Variants in GALNTL6 observed in about 807,000 individuals in gnomAD.
GALNTL6 encodes polypeptide N-acetylgalactosaminyltransferase like 6, also known as polypeptide N-acetylgalactosaminyltransferase-like 6.
A neutral mutation model predicts 73.7 loss-of-function variants in GALNTL6; 46 were observed. The ratio of observed to expected loss-of-function variants is 0.62; its 90% CI spans 0.49 to 0.80. The LOEUF (loss-of-function observed/expected upper bound fraction) is 0.80, where lower values mean the gene tolerates loss of function less well. Ranked by LOEUF, GALNTL6 falls within the 30% of genes least tolerant of loss-of-function variation. The probability of loss-of-function intolerance (pLI) is 0.00; values close to 1 mark genes in which losing one functional copy is unlikely to be tolerated. For missense variants in GALNTL6, 604 were observed against 755.0 expected (o/e 0.80, Z 2.34); for synonymous variants, 259 against 263.7 (o/e 0.98, Z 0.17).
At chr4:172,982,245 G>A (rs978144618) in intron 10 of GALNTL6, among the ~76,000 whole-genome samples, 10 of 152,192 alleles carry the variant, frequency 6.6e-5, no homozygotes, top group African/African-American at 2.4e-4. Context: ...GGTCCCAAAT[G>A]CAGCTCAGCA....
At chr4:172,399,216 T>C (rs1488172386) in intron 5 of GALNTL6, among the ~76,000 whole-genome samples, 1 of 152,102 alleles carries the variant, frequency 6.6e-6, no homozygotes, top group Non-Finnish European at 1.5e-5. Flanking sequence ...ATAAAATAAC[T>C]CTGCATGTAT....
chr4:173,010,536 G>A (rs1399539245), intron 11 of GALNTL6, among the ~76,000 whole-genome samples: 4 of 151,974 alleles, frequency 2.6e-5, no homozygotes, highest in Non-Finnish European at 5.9e-5. Flanking sequence ...CCCAGCAGTG[G>A]TATTGCTGGA....
At chr4:172,961,618 G>T (rs1306181228) in intron 10 of GALNTL6, among the ~76,000 whole-genome samples, 1 of 152,170 alleles carries the variant, frequency 6.6e-6, no homozygotes, top group African/African-American at 2.4e-5. Context: ...TGTCTCCTTT[G>T]TCTCTATCAG....
chr4:172,016,085 C>T (rs934228447), intron 2 of GALNTL6, among the ~76,000 whole-genome samples: 4 of 151,556 alleles, frequency 2.6e-5, no homozygotes, highest in Admixed American at 2.0e-4. Context: ...GTTCTTTGAG[C>T]TTCTTGTATT....
intron 5 of GALNTL6, among the ~76,000 whole-genome samples, chr4:172,352,022 G>C (rs201073617): frequency 6.6e-6 from 1 of 152,168 alleles, no homozygotes; most frequent in African/African-American, 2.4e-5. Context: ...TTTTAGACAT[G>C]TCATTAGCAT....
intron 2 of GALNTL6, among the ~76,000 whole-genome samples, chr4:171,943,573 A>G (rs1738614652): frequency 6.6e-6 from 1 of 152,162 alleles, no homozygotes; most frequent in African/African-American, 2.4e-5. Context: ...TGCTAGACCA[A>G]CTAACTCTCA....
At position 173,040,002 on chromosome 4, in the gene GALNTL6, A is replaced by G; in HGVS notation, c.1708A>G (p.Met570Val). The G allele has an allele frequency of 6.2e-7, 1 of 1,613,668 alleles. No individual in the cohort carries two copies. Among genetic ancestry groups the G allele is most frequent in the Non-Finnish European group, 8.5e-7 (1 of 1,179,568 alleles). Residue 570 changes from methionine (M) to valine (V), a missense_variant, in exon 13 of 13, where the codon ATG (methionine) becomes GTG (valine). This residue lies in a region of GALNTL6 where 261 missense variants were observed against 296.5 expected (regional missense o/e 0.88). Coordinates refer to ENST00000506823, the MANE Select transcript of GALNTL6 (RefSeq NM_001034845.3). ...DCNPAEKKIF[M>V]ARCDPLSETQ... ...CAACCCCGCAGAGAAGAAGATTTTC[A>G]TGGCCAGATGTGACCCTCTCTCTGA...
intron 10 of GALNTL6, among the ~76,000 whole-genome samples, chr4:173,000,859 A>C (rs753016307): frequency 6.6e-6 from 1 of 152,138 alleles, no homozygotes; most frequent in African/African-American, 2.4e-5. Context: ...TCCACTACTA[A>C]TGGATTGAAT....
At position 172,069,393 on chromosome 4, in the gene GALNTL6, G is replaced by GTGTTATATATAACACATATA. The variant is rs1448023648; in HGVS notation, c.139-160246_139-160227dup. On this transcript the variant is annotated intron_variant, in intron 2 of 12. Coordinates refer to ENST00000506823, the MANE Select transcript of GALNTL6 (RefSeq NM_001034845.3). Reference sequence around the variant, plus strand: ...TGTATATATATGTGTGTGTACATATGTGTTATATATAACACATATATGTTA... The same window carrying GTGTTATATATAACACATATA: ...TGTATATATATGTGTGTGTACATATGTGTTATATATAACACATATATGTTATATATAACACATATATGTTA... 5.2e-5 allele frequency among the ~76,000 whole-genome samples: 5 copies of GTGTTATATATAACACATATA among 95,916 alleles called. 1 individual carries two copies. The highest frequency in any genetic ancestry group is 2.0e-4 in the African/African-American group (5 of 25,190). 62.9% of individuals were successfully genotyped at this position (95,916 alleles called of 152,430 possible).
intron 5 of GALNTL6, among the ~76,000 whole-genome samples, chr4:172,803,228 G>A (rs1203430312): frequency 1.3e-5 from 2 of 152,166 alleles, no homozygotes; most frequent in Non-Finnish European, 2.9e-5. Flanking sequence ...ACCCATGTGT[G>A]GCCTGTTAGG....
At chr4:172,055,265 A>G (rs114997870) in intron 2 of GALNTL6, among the ~76,000 whole-genome samples, 3,413 of 152,254 alleles carry the variant, frequency 0.022, 137 homozygotes, top group African/African-American at 0.073. Flanking sequence ...AAAGTAAACC[A>G]CAAGGAAAGA....
intron 2 of GALNTL6, among the ~76,000 whole-genome samples, chr4:171,866,417 T>C (rs1735971649): frequency 1.3e-5 from 2 of 152,212 alleles, no homozygotes; most frequent in Non-Finnish European, 2.9e-5. Context: ...CTAGTTATAA[T>C]CATTACTATT....
At chr4:173,022,946 T>C (rs1015124084) in intron 12 of GALNTL6, among the ~76,000 whole-genome samples, 9 of 152,218 alleles carry the variant, frequency 5.9e-5, no homozygotes, top group African/African-American at 2.2e-4. Context: ...AATTACTCCA[T>C]AAGCTCCATT....
At chr4:172,836,009 C>G (rs4696032) in intron 7 of GALNTL6, among the ~76,000 whole-genome samples, 2 of 152,034 alleles carry the variant, frequency 1.3e-5, no homozygotes, top group Non-Finnish European at 2.9e-5. Context: ...GCTTTTGCAA[C>G]TCGGGGCCAC....
chr4:172,942,930 C>A (rs940026000), intron 9 of GALNTL6, among the ~76,000 whole-genome samples: 2 of 152,100 alleles, frequency 1.3e-5, no homozygotes, highest in African/African-American at 2.4e-5. Context: ...CTCTCTTCAA[C>A]GGTTCCAGCT....
intron 2 of GALNTL6, among the ~76,000 whole-genome samples, chr4:172,044,425 G>A (rs1742165615): frequency 6.6e-6 from 1 of 151,750 alleles, no homozygotes; most frequent in Non-Finnish European, 1.5e-5. Context: ...CCAGCATGTA[G>A]TGAGAAGCAT....
intron 9 of GALNTL6, among the ~76,000 whole-genome samples, chr4:172,947,315 G>A (rs1363434512): frequency 2.0e-5 from 3 of 152,150 alleles, no homozygotes; most frequent in Admixed American, 2.0e-4. Flanking sequence ...GCCAGGAGGA[G>A]AGAGGGATCA....
chr4:171,978,424 G>GT (rs1000696427), intron 2 of GALNTL6, among the ~76,000 whole-genome samples: 35 of 152,096 alleles, frequency 2.3e-4, no homozygotes, highest in African/African-American at 8.5e-4. Flanking sequence ...AAAGGAGGGT[G>GT]TTTAGGGGAG....
At chr4:172,110,628 A>G (rs1002066328) in intron 2 of GALNTL6, among the ~76,000 whole-genome samples, 2 of 152,258 alleles carry the variant, frequency 1.3e-5, no homozygotes, top group African/African-American at 2.4e-5. Context: ...GCTTAAACCT[A>G]AAGGATACCT....
Sources: gnomAD v4.1 joint callset for allele counts (sites outside exome capture counted in the v4.1 genomes callset) on GRCh38, gnomAD v4.1.1 for gene constraint, gnomAD v4.1.1 regional missense constraint, MANE v1.5 for transcripts, NCBI Gene and HGNC (gene_info 2026-07-23, HGNC 2026-07-21) for gene names.